Variants in DCP1A observed in about 807,000 individuals in gnomAD.
DCP1A encodes the protein decapping mRNA 1A.
A neutral mutation model predicts 58.0 loss-of-function variants in DCP1A; 20 were observed. The observed-to-expected ratio is 0.34, with a 90% CI of 0.24 to 0.50. DCP1A has a LOEUF of 0.50. Ranked by LOEUF, DCP1A falls within the 20% of genes least tolerant of loss-of-function variation. The probability of loss-of-function intolerance (pLI) is 0.98; values close to 1 mark genes in which losing one functional copy is unlikely to be tolerated. For synonymous variants in DCP1A, 285 were observed against 275.1 expected (o/e 1.04, Z -0.36); for missense variants, 613 against 712.2 (o/e 0.86, Z 1.59).
intron 9 of DCP1A, among the ~76,000 whole-genome samples, 154 bp from the exon 10 acceptor site, chr3:53,287,814 T>G (rs1575589691): frequency 6.6e-6 from 1 of 152,024 alleles, no homozygotes; most frequent in Non-Finnish European, 1.5e-5. Context: ...TATTTTGAGT[T>G]CATGCAGATA....
At chr3:53,303,231 G>A (rs532362015) in intron 6 of DCP1A, among the ~76,000 whole-genome samples, 4 of 152,150 alleles carry the variant, frequency 2.6e-5, no homozygotes, top group African/African-American at 9.6e-5. Flanking sequence ...GATTACAGAC[G>A]AGAGCCACTG....
In DCP1A at chr3:53,292,613, G is replaced by A. The variant is rs782532915; in HGVS notation, c.839C>T (p.Ala280Val). The change falls in exon 7 of 10, where the codon GCC (alanine) becomes GTC (valine). Residue 280 changes from alanine (A) to valine (V), a missense_variant. Ala to Val is a moderately conservative substitution (Grantham distance 64). Transcript: ENST00000610213. Reference sequence around the variant, plus strand: ...GATTTCAGGCTGGACTGAATGGTGGGCAGCAGAAGGGACACCCAGGGTTTC... The same window carrying A: ...GATTTCAGGCTGGACTGAATGGTGGACAGCAGAAGGGACACCCAGGGTTTC... ...QSETLGVPSA[A>V]HHSVQPEITT... is the part of the protein sequence containing the mutation. 2.5e-6 allele frequency: 4 copies of A among 1,613,722 alleles called. No individual in the cohort carries two copies. The highest frequency in any genetic ancestry group is 2.2e-5 in the East Asian group (1 of 44,864).
chr3:53,334,328 T>C (rs1444960979), intron 3 of DCP1A, among the ~76,000 whole-genome samples: 1 of 152,178 alleles, frequency 6.6e-6, no homozygotes, highest in Non-Finnish European at 1.5e-5. Flanking sequence ...GCAAATTCTA[T>C]ATGTTTATCC....
intron 4 of DCP1A, among the ~76,000 whole-genome samples, chr3:53,314,671 T>G (rs1052701441): frequency 7.4e-6 from 1 of 135,762 alleles, no homozygotes; most frequent in Admixed American, 8.1e-5. Context: ...CTTTTTCTTT[T>G]TTTTTTTTTT....
At position 53,305,084 on chromosome 3, in the gene DCP1A, C is replaced by T. The variant is rs552247920; in HGVS notation, c.511-794G>A. Among the ~76,000 whole-genome samples the T allele has an allele frequency of 1.4e-4, 21 of 152,248 alleles. No homozygotes were observed. In the East Asian group the frequency reaches 2.7e-3, roughly 20 times the overall value. ...GGTCTATTCTCTCTCACTCTAGTTT[C>T]GTCTTTTCAAAGATGTCATATAAAT... On this transcript the variant is annotated intron_variant, in intron 5 of 9. Coordinates refer to ENST00000610213, the MANE Select transcript of DCP1A (RefSeq NM_018403.7).
intron 4 of DCP1A, among the ~76,000 whole-genome samples, chr3:53,316,513 C>G (rs1707817700): frequency 6.6e-6 from 1 of 151,974 alleles, no homozygotes; most frequent in Admixed American, 6.5e-5. Flanking sequence ...ATCTGCCCAC[C>G]TGGGCCTCAC....
In DCP1A at chr3:53,335,330, G is replaced by A. The variant is rs149066509; in HGVS notation, c.304+6814C>T. ...TAATTTTTGTATTTTTAGTAGCGGT[G>A]GGGTTTCACCATGTTGGCCAGACTG... On this transcript the variant is annotated intron_variant, in intron 3 of 9. Transcript: ENST00000610213. 9.5e-3 allele frequency among the ~76,000 whole-genome samples: 1,448 copies of A among 151,770 alleles called. 24 individuals carry two copies. The highest frequency in any genetic ancestry group is 0.033 in the African/African-American group (1,384 of 41,410).
Position 53,286,021 on chromosome 3 carries a change from C to T in DCP1A, c.*1559G>A, listed in dbSNP as rs1706620819. On this transcript the variant is annotated 3_prime_UTR_variant, in exon 10 of 10. Coordinates refer to ENST00000610213, the MANE Select transcript of DCP1A (RefSeq NM_018403.7). The stretch of plus-strand genomic sequence containing the variant: ...AGACACTAAAATGAGAAGCAGAAAC[C>T]CTGTCCAGGAAGCATGTTTAGATCA... 1 of 151,986 alleles carries T rather than the reference C, an allele frequency of 6.6e-6. No homozygotes were observed. Among genetic ancestry groups the T allele is most frequent in the African/African-American group, 2.4e-5 (1 of 41,348 alleles). The allele number at this position is 151,986 out of a possible 1,614,324, so 9.4% of individuals were successfully genotyped here.
intron 6 of DCP1A, among the ~76,000 whole-genome samples, chr3:53,302,246 C>T (rs1707331675): frequency 6.6e-6 from 1 of 152,150 alleles, no homozygotes. Context: ...TAGGATCTTT[C>T]TGCATTATTT....
chr3:53,336,738 GT>G (rs1314816913), intron 3 of DCP1A, among the ~76,000 whole-genome samples: 31 of 152,254 alleles, frequency 2.0e-4, no homozygotes, highest in African/African-American at 7.0e-4. Context: ...CTTGACCTGG[GT>G]AAGAAATGAT....
chr3:53,287,937 G>C, intron 9 of DCP1A, 128 bp downstream of exon 9: 1 of 931,038 alleles, frequency 1.1e-6, no homozygotes, highest in Admixed American at 2.6e-5. Context: ...TTACAGGTGT[G>C]AGCCACTTTG....
At position 53,336,262 on chromosome 3, in the gene DCP1A, C is replaced by T. The variant is rs541572387; in HGVS notation, c.304+5882G>A. Among the ~76,000 whole-genome samples the T allele has an allele frequency of 6.6e-4, 100 of 152,122 alleles. 1 individual carries two copies. The highest frequency in any genetic ancestry group is 2.9e-3 in the East Asian group (15 of 5,174). On this transcript the variant is annotated intron_variant, in intron 3 of 9. Coordinates refer to ENST00000610213, the MANE Select transcript of DCP1A (RefSeq NM_018403.7). ...CTGGGATTACAGGTGTCTGCCACCA[C>T]GCCAGGCTAATTTTTTCTATTTTTA...
At chr3:53,340,294 T>A (rs1334756299) in intron 3 of DCP1A, among the ~76,000 whole-genome samples, 1 of 152,184 alleles carries the variant, frequency 6.6e-6, no homozygotes, top group Non-Finnish European at 1.5e-5. Flanking sequence ...ATTGTTAACA[T>A]TAGTTTAAAT....
chr3:53,331,463 A>G (rs2089002512), intron 3 of DCP1A, among the ~76,000 whole-genome samples: 1 of 152,192 alleles, frequency 6.6e-6, no homozygotes, highest in African/African-American at 2.4e-5. Flanking sequence ...ATTCTTACCA[A>G]TGTGCTATAA....
intron 3 of DCP1A, among the ~76,000 whole-genome samples, chr3:53,324,548 T>C (rs1708059296): frequency 6.6e-6 from 1 of 152,268 alleles, no homozygotes; most frequent in Admixed American, 6.5e-5. Flanking sequence ...TTAACTATCC[T>C]ACAGAGAATT....
chr3:53,342,329 T>A, intron 2 of DCP1A, 58 bp from the exon 3 acceptor site: 13 of 1,243,810 alleles, frequency 1.0e-5, no homozygotes, highest in Non-Finnish European at 1.5e-5. Flanking sequence ...GTAGAAATGT[T>A]ATCTACTATG....
intron 8 of DCP1A, 161 bp downstream of exon 8, chr3:53,290,630 A>C (rs541671479): frequency 1.5e-6 from 1 of 684,316 alleles, no homozygotes; most frequent in African/African-American, 1.8e-5. Flanking sequence ...CTTCAGAAAG[A>C]GGGAGTCCTG....
chr3:53,293,678 A>G (rs1707010149), intron 6 of DCP1A, among the ~76,000 whole-genome samples: 1 of 152,170 alleles, frequency 6.6e-6, no homozygotes, highest in African/African-American at 2.4e-5. Context: ...AAATTAGTTC[A>G]CTGAAACACA....
At chr3:53,335,134 T>A (rs958365078) in intron 3 of DCP1A, among the ~76,000 whole-genome samples, 130 of 151,068 alleles carry the variant, frequency 8.6e-4, no homozygotes, top group African/African-American at 3.1e-3. Context: ...TATATATTTT[T>A]TTTATTTTTA....
Sources: gnomAD v4.1 joint callset for allele counts (sites outside exome capture counted in the v4.1 genomes callset) on GRCh38, gnomAD v4.1.1 for gene constraint, MANE v1.5 for transcripts, NCBI Gene and HGNC (gene_info 2026-07-23, HGNC 2026-07-21) for gene names.